Variants in PEX5L observed in about 807,000 individuals in gnomAD.
The protein encoded by PEX5L is PEX5-related protein.
Under a neutral mutation model 84.0 loss-of-function variants are expected in PEX5L, and 30 were observed. That is an observed-to-expected ratio of 0.36 (90% CI 0.27 to 0.48). The LOEUF is 0.48. Ranked by LOEUF, PEX5L falls within the 20% of genes least tolerant of loss-of-function variation. The probability of loss-of-function intolerance (pLI) is 0.99; values close to 1 mark genes in which losing one functional copy is unlikely to be tolerated. For missense variants in PEX5L, 533 were observed against 754.6 expected (o/e 0.71, Z 3.44); for synonymous variants, 270 against 283.1 (o/e 0.95, Z 0.46).
chr3:179,838,360 A>G (rs1735782930), intron 8 of PEX5L, among the ~76,000 whole-genome samples: 1 of 152,196 alleles, frequency 6.6e-6, no homozygotes, highest in Non-Finnish European at 1.5e-5. Flanking sequence ...GCCTCTACAT[A>G]CTGATATGTC....
chr3:179,873,142 T>A (rs1345502618), intron 7 of PEX5L, among the ~76,000 whole-genome samples: 1 of 152,220 alleles, frequency 6.6e-6, no homozygotes, highest in Non-Finnish European at 1.5e-5. Flanking sequence ...CTCTGCCACT[T>A]ACTAGTTGTG....
chr3:180,024,534 G>A (rs1320022262), intron 1 of PEX5L, among the ~76,000 whole-genome samples: 3 of 128,978 alleles, frequency 2.3e-5, no homozygotes, highest in Non-Finnish European at 4.7e-5. Flanking sequence ...GATGGAGCGA[G>A]ACTCCGTTTC....
At chr3:180,026,109 T>C (rs988026781) in intron 1 of PEX5L, among the ~76,000 whole-genome samples, 1 of 150,824 alleles carries the variant, frequency 6.6e-6, no homozygotes, top group Non-Finnish European at 1.5e-5. Context: ...GTATGATGAA[T>C]GTCATCAAAA....
intron 2 of PEX5L, among the ~76,000 whole-genome samples, chr3:179,910,926 G>A (rs1235132906): frequency 6.6e-6 from 1 of 152,080 alleles, no homozygotes; most frequent in African/African-American, 2.4e-5. Flanking sequence ...GTCAATACAC[G>A]TATGAAGTTT....
chr3:179,940,275 G>C (rs547485847), intron 2 of PEX5L, among the ~76,000 whole-genome samples: 1 of 152,066 alleles, frequency 6.6e-6, no homozygotes, highest in Admixed American at 6.5e-5. Flanking sequence ...TGGGTAAAGA[G>C]AAAGAAAGAG....
chr3:180,003,102 A>C (rs952299449), intron 1 of PEX5L, among the ~76,000 whole-genome samples: 17 of 152,184 alleles, frequency 1.1e-4, no homozygotes, highest in African/African-American at 3.9e-4. Flanking sequence ...AACTGACACA[A>C]ATCAGGTGAG....
rs1779457902 is a variant in PEX5L, at chr3:179,952,803, A to T, written c.93+18791T>A. ...GAGCCCGTATAGCCAAGACAATTCT[A>T]AGCAAAAAGAAGAAAGCTGGAGGCA... On this transcript the variant is annotated intron_variant, in intron 2 of 14. Coordinates refer to ENST00000467460, the MANE Select transcript of PEX5L (RefSeq NM_016559.3). Among the ~76,000 whole-genome samples, 6 of 152,212 alleles carry T rather than the reference A, an allele frequency of 3.9e-5. No individual in the cohort carries two copies. The South Asian group carries it at 1.0e-3, about 26-fold the overall frequency.
intron 2 of PEX5L, among the ~76,000 whole-genome samples, chr3:179,902,871 A>G (rs1761883449): frequency 6.6e-6 from 1 of 152,202 alleles, no homozygotes; most frequent in Non-Finnish European, 1.5e-5. Context: ...AGGTTAGATT[A>G]GAGGAAAAGT....
chr3:179,952,024 C>A (rs1434661019), intron 2 of PEX5L, among the ~76,000 whole-genome samples: 1 of 152,084 alleles, frequency 6.6e-6, no homozygotes, highest in Non-Finnish European at 1.5e-5. Context: ...GCAATTGTTA[C>A]AATAGTGACT....
chr3:179,854,019 C>T (rs755462700), intron 8 of PEX5L, among the ~76,000 whole-genome samples: 79 of 143,244 alleles, frequency 5.5e-4, no homozygotes, highest in Admixed American at 1.6e-3. Flanking sequence ...CACCTTGTTG[C>T]CCAGGCTGGT....
intron 8 of PEX5L, among the ~76,000 whole-genome samples, chr3:179,843,295 C>T (rs1268628105): frequency 1.3e-5 from 2 of 152,138 alleles, no homozygotes; most frequent in Admixed American, 1.3e-4. Context: ...TTCCAAAGCC[C>T]GGGTACAACC....
At chr3:179,812,811 T>A (rs1485321953) in intron 10 of PEX5L, among the ~76,000 whole-genome samples, 2 of 151,360 alleles carry the variant, frequency 1.3e-5, no homozygotes, top group Non-Finnish European at 3.0e-5. Context: ...GTCTTAAGGT[T>A]TAAAAATGTT....
rs1338629807 is a variant in PEX5L at position 179,936,797 on chromosome 3, T to C, written c.93+34797A>G. Among the ~76,000 whole-genome samples the C allele has an allele frequency of 8.5e-5, 9 of 105,376 alleles. 3 individuals carry two copies. Among genetic ancestry groups the C allele is most frequent in the Non-Finnish European group, 1.6e-4 (8 of 48,496 alleles). 69.1% of individuals were successfully genotyped at this position (105,376 alleles called of 152,430 possible). ...CAGCCTTTCTCTGTTGAGCTCTCTT[T>C]AGCATCACCTTGAAAAGCTTAACCC... On this transcript the variant is annotated intron_variant, in intron 2 of 14. Coordinates refer to ENST00000467460, the MANE Select transcript of PEX5L (RefSeq NM_016559.3).
chr3:179,940,049 A>AT (rs1048932218), intron 2 of PEX5L, among the ~76,000 whole-genome samples: 4 of 152,126 alleles, frequency 2.6e-5, no homozygotes, highest in East Asian at 1.9e-4. Flanking sequence ...ATTTTAATTT[A>AT]TTTTTTTACC....
intron 2 of PEX5L, among the ~76,000 whole-genome samples, chr3:179,908,207 G>T (rs1174825716): frequency 6.6e-6 from 1 of 152,202 alleles, no homozygotes; most frequent in Non-Finnish European, 1.5e-5. Flanking sequence ...ATGAATAATA[G>T]TCTCTCACTT....
intron 8 of PEX5L, among the ~76,000 whole-genome samples, chr3:179,855,017 A>C (rs1743361779): frequency 6.6e-6 from 1 of 152,204 alleles, no homozygotes; most frequent in Admixed American, 6.5e-5. Flanking sequence ...GGAACCTGCC[A>C]CCTGAAGATC....
At chr3:179,912,690 T>A (rs1765611030) in intron 2 of PEX5L, among the ~76,000 whole-genome samples, 1 of 152,046 alleles carries the variant, frequency 6.6e-6, no homozygotes, top group Admixed American at 6.6e-5. Flanking sequence ...CACTCCCCTA[T>A]TAACAATATC....
Position 180,021,431 on chromosome 3 carries a change from C to G in PEX5L, c.21+15148G>C, listed in dbSNP as rs371284624. On this transcript the variant is annotated intron_variant, in intron 1 of 14. Transcript: ENST00000467460. The stretch of plus-strand genomic sequence containing the variant: ...AGTCCCAGGCCTCGTTCTCAGGGAG[C>G]CTTATTCAACAGGGCTGCAGTGGGG... Among the ~76,000 whole-genome samples, 306 of 152,246 alleles carry G rather than the reference C, an allele frequency of 2.0e-3. 4 individuals are homozygous for G. The highest frequency in any genetic ancestry group is 6.8e-3 in the Middle Eastern group (2 of 294).
intron 14 of PEX5L, among the ~76,000 whole-genome samples, chr3:179,806,900 T>C (rs1010812237): frequency 1.3e-4 from 20 of 151,630 alleles, no homozygotes; most frequent in Non-Finnish European, 2.4e-4. Context: ...TTTCAGAGAA[T>C]GAGAAAGGGT....
Sources: allele counts gnomAD v4.1 joint callset (sites outside exome capture counted in the v4.1 genomes callset), GRCh38; gene constraint gnomAD v4.1.1; transcripts MANE v1.5; gene names NCBI Gene and HGNC (gene_info 2026-07-23, HGNC 2026-07-21).